Variants in TAS2R41 observed in about 807,000 individuals in gnomAD.
TAS2R41 encodes the protein taste 2 receptor member 41, also known as taste receptor type 2 member 41.
A neutral mutation model predicts 25.1 loss-of-function variants in TAS2R41; 33 were observed. The ratio of observed to expected loss-of-function variants is 1.31; its 90% CI spans 1.00 to 1.76. TAS2R41 has a LOEUF of 1.76. Among genes scored for constraint, TAS2R41 ranks in the 40% most tolerant of loss-of-function variants. The probability of loss-of-function intolerance (pLI) is 0.00; values close to 1 mark genes in which losing one functional copy is unlikely to be tolerated. For missense variants in TAS2R41, 319 were observed against 359.4 expected (o/e 0.89, Z 0.91); for synonymous variants, 151 against 151.6 (o/e 1.00, Z 0.03).
In TAS2R41 at chr7:143,478,427, A is replaced by G; in HGVS notation, c.555A>G (p.Lys185=). 8 of 1,614,050 alleles carry G rather than the reference A, an allele frequency of 5.0e-6. 1 individual carries two copies. The highest frequency in any genetic ancestry group is 6.8e-6 in the Non-Finnish European group (8 of 1,180,004). Residue 185 remains lysine (K), a synonymous_variant, in exon 1 of 1, where the codon AAA becomes AAG. Transcript: ENST00000408916. Reference sequence around the variant, plus strand: ...AAACATACTATTTCCCATCCCTGAAACTGGTCATCTGGTCAATTCCTTTTT... The same window carrying G: ...AAACATACTATTTCCCATCCCTGAAGCTGGTCATCTGGTCAATTCCTTTTT... The part of the protein sequence containing the change: ...RIETYYFPSL[K]LVIWSIPFSV...
rs1326807276 is a variant in TAS2R41, at chr7:143,478,047, C to A, written c.175C>A (p.Gln59Lys). 7 of 1,614,032 alleles carry A rather than the reference C, an allele frequency of 4.3e-6. No individual in the cohort carries two copies. Among genetic ancestry groups the A allele is most frequent in the Non-Finnish European group, 5.9e-6 (7 of 1,180,048 alleles). Residue 59 changes from glutamine (Q) to lysine (K), a missense_variant, in exon 1 of 1, where the codon CAG becomes AAG. Coordinates refer to ENST00000408916, the MANE Select transcript of TAS2R41 (RefSeq NM_176883.2). The stretch of plus-strand genomic sequence containing the variant: ...CTTGGGTGCCTCCCGCTTCTGCCTG[C>A]AGTTGGTTGGGACGGTGCACAACTT... ...ISLGASRFCL[Q>K]LVGTVHNFYY...
At position 143,477,992 on chromosome 7, in the gene TAS2R41, G is replaced by T. The variant is rs1261565217; in HGVS notation, c.120G>T (p.Arg40Ser). 3.1e-6 allele frequency: 5 copies of T among 1,613,994 alleles called. No individual in the cohort carries two copies. The African/African-American group carries it at 5.3e-5, about 17-fold the overall frequency. The change falls in exon 1 of 1, where the codon AGG becomes AGT. Residue 40 changes from arginine (R) to serine (S), a missense_variant. Coordinates refer to ENST00000408916, the MANE Select transcript of TAS2R41 (RefSeq NM_176883.2). The surrounding 1 kb of genome is among the most constrained non-coding windows in gnomAD (Gnocchi z 4.0). ...GCAGGGAGTGGCTGCGATATGGCAG[G>T]TTGCTGCCCTTGGATATGATCCTCA... ...VLGREWLRYG[R>S]LLPLDMILIS...
Position 143,477,930 on chromosome 7 carries a change from G to A in TAS2R41, c.58G>A (p.Gly20Arg). Residue 20 changes from glycine to arginine, a missense_variant, in exon 1 of 1, where the codon GGG (glycine) becomes AGG (arginine). Transcript: ENST00000408916. This position sits in a 1 kb window ranked among gnomAD's most constrained non-coding sequence, Gnocchi z 4.0. Reference sequence around the variant, plus strand: ...GCTCTTTAGCCTGCTGAGTCTTCTGGGGATTGCAGCGAATGGCTTCATTGT... The same window carrying A: ...GCTCTTTAGCCTGCTGAGTCTTCTGAGGATTGCAGCGAATGGCTTCATTGT... ...VLLFSLLSLLGIAANGFIVLV... is the reference protein window; with the variant it reads ...VLLFSLLSLLRIAANGFIVLV... 6.2e-7 allele frequency: 1 copy of A among 1,614,128 alleles called. No individual in the cohort carries two copies. The highest frequency in any genetic ancestry group is 8.5e-7 in the Non-Finnish European group (1 of 1,180,032).
chr7:143,478,418 A>T lies in TAS2R41; in HGVS notation c.546A>T (p.Pro182=). Residue 182 remains proline (P), a synonymous_variant, in exon 1 of 1, where the codon CCA becomes CCT. Coordinates refer to ENST00000408916, the MANE Select transcript of TAS2R41 (RefSeq NM_176883.2). ...CAAGGATAGAAACATACTATTTCCCATCCCTGAAACTGGTCATCTGGTCAA... is the reference window on the plus strand; with the variant it reads ...CAAGGATAGAAACATACTATTTCCCTTCCCTGAAACTGGTCATCTGGTCAA... ...WNTRIETYYF[P]SLKLVIWSIP... 1 of 1,614,096 alleles carries T rather than the reference A, an allele frequency of 6.2e-7. No homozygotes were observed. The highest frequency in any genetic ancestry group is 1.3e-5 in the African/African-American group (1 of 75,018).
At position 143,478,212 on chromosome 7, in the gene TAS2R41, A is replaced by C; in HGVS notation, c.340A>C (p.Ile114Leu). The change falls in exon 1 of 1, where the codon ATC (isoleucine) becomes CTC (leucine). Residue 114 changes from isoleucine to leucine, a missense_variant. By Grantham distance (5) the Ile-to-Leu change is conservative. Transcript: ENST00000408916. ...CCTGTTCTGTGTGAAGATTGCTAAC[A>C]TCACACACTCCACCTTCCTGTGGCT... Reference protein sequence around the residue: ...SVLFCVKIANITHSTFLWLKW... With the variant: ...SVLFCVKIANLTHSTFLWLKW... 6.2e-7 allele frequency: 1 copy of C among 1,613,990 alleles called. No individual in the cohort carries two copies. Among genetic ancestry groups the C allele is most frequent in the Non-Finnish European group, 8.5e-7 (1 of 1,179,990 alleles).
chr7:143,478,228 T>C lies in TAS2R41; in HGVS notation c.356T>C (p.Phe119Ser). 1 of 1,614,036 alleles carries C rather than the reference T, an allele frequency of 6.2e-7. No individual in the cohort carries two copies. Among genetic ancestry groups the C allele is most frequent in the African/African-American group, 1.3e-5 (1 of 75,008 alleles). The part of the protein sequence containing the change: ...VKIANITHST[F>S]LWLKWRFPGW... ...ATTGCTAACATCACACACTCCACCT[T>C]CCTGTGGCTGAAGTGGAGGTTCCCA... is the stretch of plus-strand genomic sequence containing the variant. The change falls in exon 1 of 1, where the codon TTC (phenylalanine) becomes TCC (serine). Residue 119 changes from phenylalanine (F) to serine (S), a missense_variant. Transcript: ENST00000408916.
In TAS2R41 at chr7:143,478,138, G is replaced by A. The variant is rs1807064649; in HGVS notation, c.266G>A (p.Trp89Ter). The A allele has an allele frequency of 6.2e-7, 1 of 1,614,088 alleles. No homozygotes were observed. Among genetic ancestry groups the A allele is most frequent in the Admixed American group, 1.7e-5 (1 of 60,004 alleles). ...GGCCGACAGTTCTTCCATCTACACT[G>A]GCACTTCCTGAACTCAGCCACCTTC... ...GLGRQFFHLH[W>*]HFLNSATFWF... The change falls in exon 1 of 1, where the codon TGG (tryptophan) becomes TAG (stop). Residue 89 changes from tryptophan (W) to a stop codon, truncating the protein, a stop_gained. Coordinates refer to ENST00000408916, the MANE Select transcript of TAS2R41 (RefSeq NM_176883.2). LOFTEE classifies it high-confidence loss of function.
Position 143,478,696 on chromosome 7 carries a change from GC to G in TAS2R41, c.825del (p.Cys275Ter). ...CCATGGCAAATTGCAGTCTACCTGT[GC>G]ATATCTGTCCATCCCTTCATCCTCA... ...YWPWQIAVYLCISVHPFILIF... is the reference protein window; with the variant it reads ...YWPWQIAVYLXISVHPFILIF... On this transcript the variant is annotated frameshift_variant, in exon 1 of 1. Coordinates refer to ENST00000408916, the MANE Select transcript of TAS2R41 (RefSeq NM_176883.2). LOFTEE classifies it high-confidence loss of function. 2 of 1,614,052 alleles carry G rather than the reference GC, an allele frequency of 1.2e-6. No individual in the cohort carries two copies. The highest frequency in any genetic ancestry group is 1.7e-6 in the Non-Finnish European group (2 of 1,180,012).
At position 143,477,971 on chromosome 7, in the gene TAS2R41, G is replaced by A. The variant is rs912941534; in HGVS notation, c.99G>A (p.Arg33=). The A allele has an allele frequency of 1.2e-6, 2 of 1,614,126 alleles. No individual in the cohort carries two copies. The highest frequency in any genetic ancestry group is 1.7e-6 in the Non-Finnish European group (2 of 1,180,032). The change falls in exon 1 of 1, where the codon AGG becomes AGA. Residue 33 remains arginine, a synonymous_variant. Transcript: ENST00000408916. The surrounding 1 kb of genome is among the most constrained non-coding windows in gnomAD (Gnocchi z 4.0). ...ANGFIVLVLG[R]EWLRYGRLLP... ...GCTTCATTGTGCTGGTGCTGGGCAG[G>A]GAGTGGCTGCGATATGGCAGGTTGC... is the stretch of plus-strand genomic sequence containing the variant.
Position 143,478,506 on chromosome 7 carries a change from C to T in TAS2R41, c.634C>T (p.Gln212Ter). 6.2e-7 allele frequency: 1 copy of T among 1,614,086 alleles called. No homozygotes were observed. The highest frequency in any genetic ancestry group is 8.5e-7 in the Non-Finnish European group (1 of 1,180,026). The stretch of plus-strand genomic sequence containing the variant: ...AATTAATTCTCTGAGGAGGCATACT[C>T]AGAGAATGCAGCACAACGGGCACAG... ...LLINSLRRHT[Q>*]RMQHNGHSLQ... The change falls in exon 1 of 1, where the codon CAG becomes TAG. Residue 212 changes from glutamine to a stop codon, truncating the protein, a stop_gained. Transcript: ENST00000408916. LOFTEE classifies it high-confidence loss of function.
At position 143,477,946 on chromosome 7, in the gene TAS2R41, G is replaced by C; in HGVS notation, c.74G>C (p.Gly25Ala). The change falls in exon 1 of 1, where the codon GGC (glycine) becomes GCC (alanine). Residue 25 changes from glycine (G) to alanine (A), a missense_variant. By Grantham distance (60) the Gly-to-Ala change is moderately conservative. Transcript: ENST00000408916. This position sits in a 1 kb window ranked among gnomAD's most constrained non-coding sequence, Gnocchi z 4.0. ...AGTCTTCTGGGGATTGCAGCGAATG[G>C]CTTCATTGTGCTGGTGCTGGGCAGG... ...LLSLLGIAAN[G>A]FIVLVLGREW... 6.2e-7 allele frequency: 1 copy of C among 1,614,102 alleles called. No individual in the cohort carries two copies. Among genetic ancestry groups the C allele is most frequent in the Non-Finnish European group, 8.5e-7 (1 of 1,180,028 alleles).
rs759077001 is a variant in TAS2R41, at chr7:143,477,999, C to A, written c.127C>A (p.Pro43Thr). Residue 43 changes from proline (P) to threonine (T), a missense_variant, in exon 1 of 1, where the codon CCC (proline) becomes ACC (threonine). Pro to Thr is a conservative substitution (Grantham distance 38). Transcript: ENST00000408916. The surrounding 1 kb of genome is among the most constrained non-coding windows in gnomAD (Gnocchi z 4.0). ...REWLRYGRLL[P>T]LDMILISLGA... ...GTGGCTGCGATATGGCAGGTTGCTG[C>A]CCTTGGATATGATCCTCATTAGCTT... 1.2e-6 allele frequency: 2 copies of A among 1,614,064 alleles called. No individual in the cohort carries two copies. Among genetic ancestry groups the A allele is most frequent in the Non-Finnish European group, 1.7e-6 (2 of 1,180,002 alleles).
chr7:143,478,783 T>A lies in TAS2R41; in HGVS notation c.911T>A (p.Phe304Tyr), dbSNP rs1807088662. ...CAGCTCCTGTTGTTGGCAAGGGGCTTCTGGGTGGCCTAGATGGCATGGTTT... is the reference window on the plus strand; with the variant it reads ...CAGCTCCTGTTGTTGGCAAGGGGCTACTGGGTGGCCTAGATGGCATGGTTT... Reference protein sequence around the residue: ...FSQLLLLARGFWVA With the variant: ...FSQLLLLARGYWVA The change falls in exon 1 of 1, where the codon TTC becomes TAC. Residue 304 changes from phenylalanine to tyrosine, a missense_variant. Transcript: ENST00000408916. 1 of 1,613,218 alleles carries A rather than the reference T, an allele frequency of 6.2e-7. No homozygotes were observed. Among genetic ancestry groups the A allele is most frequent in the African/African-American group, 1.3e-5 (1 of 74,902 alleles).
Position 143,478,578 on chromosome 7 carries a change from C to T in TAS2R41, c.706C>T (p.Leu236Phe), listed in dbSNP as rs772227654. 1 of 1,613,404 alleles carries T rather than the reference C, an allele frequency of 6.2e-7. No individual in the cohort carries two copies. Among genetic ancestry groups the T allele is most frequent in the African/African-American group, 1.3e-5 (1 of 74,880 alleles). ...GGCTCACACCAGAGCTCTGAAGTCC[C>T]TCATCTCCTTCCTCATTCTTTATGC... Reference protein sequence around the residue: ...TQAHTRALKSLISFLILYALS... With the variant: ...TQAHTRALKSFISFLILYALS... The change falls in exon 1 of 1, where the codon CTC becomes TTC. Residue 236 changes from leucine to phenylalanine, a missense_variant. By Grantham distance (22) the Leu-to-Phe change is conservative (BLOSUM62 0). Transcript: ENST00000408916.
chr7:143,478,235 G>C lies in TAS2R41; in HGVS notation c.363G>C (p.Trp121Cys). ...ACATCACACACTCCACCTTCCTGTGGCTGAAGTGGAGGTTCCCAGGGTGGG... is the reference window on the plus strand; with the variant it reads ...ACATCACACACTCCACCTTCCTGTGCCTGAAGTGGAGGTTCCCAGGGTGGG... ...IANITHSTFL[W>C]LKWRFPGWVP... Residue 121 changes from tryptophan (W) to cysteine (C), a missense_variant, in exon 1 of 1, where the codon TGG becomes TGC. Physicochemically the swap from Trp to Cys is radical, Grantham distance 215. Coordinates refer to ENST00000408916, the MANE Select transcript of TAS2R41 (RefSeq NM_176883.2). The C allele has an allele frequency of 6.2e-7, 1 of 1,614,046 alleles. No homozygotes were observed. The highest frequency in any genetic ancestry group is 8.5e-7 in the Non-Finnish European group (1 of 1,179,988).
At position 143,478,634 on chromosome 7, in the gene TAS2R41, C is replaced by T. The variant is rs60096100; in HGVS notation, c.762C>T (p.Ala254=). The T allele has an allele frequency of 3.0e-5, 48 of 1,613,930 alleles. No homozygotes were observed. In the East Asian group the frequency reaches 3.8e-4, roughly 13 times the overall value. Residue 254 remains alanine (A), a synonymous_variant, in exon 1 of 1, where the codon GCC becomes GCT. Coordinates refer to ENST00000408916, the MANE Select transcript of TAS2R41 (RefSeq NM_176883.2). ...CCTTTCTGTCCCTGATCATTGATGC[C>T]GCAAAATTTATCTCCATGCAGAACG... ...ALSFLSLIID[A]AKFISMQNDF...
Position 143,478,064 on chromosome 7 carries a change from G to A in TAS2R41, c.192G>A (p.Val64=). Reference sequence around the variant, plus strand: ...TCTGCCTGCAGTTGGTTGGGACGGTGCACAACTTCTACTACTCTGCCCAGA... The same window carrying A: ...TCTGCCTGCAGTTGGTTGGGACGGTACACAACTTCTACTACTCTGCCCAGA... ...SRFCLQLVGT[V]HNFYYSAQKV... Residue 64 remains valine, a synonymous_variant, in exon 1 of 1, where the codon GTG becomes GTA. Transcript: ENST00000408916. 6.2e-7 allele frequency: 1 copy of A among 1,614,100 alleles called. No individual in the cohort carries two copies.
rs1294251061 is a variant in TAS2R41, at chr7:143,478,416, C to G, written c.544C>G (p.Pro182Ala). ...TACAAGGATAGAAACATACTATTTC[C>G]CATCCCTGAAACTGGTCATCTGGTC... ...WNTRIETYYFPSLKLVIWSIP... is the reference protein window; with the variant it reads ...WNTRIETYYFASLKLVIWSIP... Residue 182 changes from proline to alanine, a missense_variant, in exon 1 of 1, where the codon CCA becomes GCA. Pro to Ala is a conservative substitution (Grantham distance 27). Transcript: ENST00000408916. 1 of 1,614,026 alleles carries G rather than the reference C, an allele frequency of 6.2e-7. No homozygotes were observed. Among genetic ancestry groups the G allele is most frequent in the Non-Finnish European group, 8.5e-7 (1 of 1,180,008 alleles).
chr7:143,478,751 G>A lies in TAS2R41; in HGVS notation c.879G>A (p.Val293=), dbSNP rs776734618. The A allele has an allele frequency of 6.2e-7, 1 of 1,614,074 alleles. No individual in the cohort carries two copies. Among genetic ancestry groups the A allele is most frequent in the Non-Finnish European group, 8.5e-7 (1 of 1,179,960 alleles). ...TCAGCAACCTCAAGCTTCGAAGCGT[G>A]TTCTCGCAGCTCCTGTTGTTGGCAA... ...LIFSNLKLRS[V]FSQLLLLARG... is the part of the protein sequence containing the mutation. Residue 293 remains valine, a synonymous_variant, in exon 1 of 1, where the codon GTG becomes GTA. Coordinates refer to ENST00000408916, the MANE Select transcript of TAS2R41 (RefSeq NM_176883.2).
Sources: allele counts gnomAD v4.1 joint callset, GRCh38; gene constraint gnomAD v4.1.1; non-coding constraint Gnocchi (gnomAD v3.1); transcripts MANE v1.5; gene names NCBI Gene and HGNC (gene_info 2026-07-23, HGNC 2026-07-21).